The following SPATA13 variants were observed in gnomAD, a reference collection of about 807,000 sequenced individuals.
The protein encoded by SPATA13 is spermatogenesis associated 13, also known as spermatogenesis-associated protein 13.
SPATA13 carries 50 observed loss-of-function variants against 104.0 expected under a neutral mutation model. The observed-to-expected ratio is 0.48, with a 90% CI of 0.38 to 0.61. SPATA13 has a LOEUF of 0.61. Ranked by LOEUF, SPATA13 falls within the 20% of genes least tolerant of loss-of-function variation. SPATA13 has a pLI of 0.00. For missense variants in SPATA13, 1,524 were observed against 1,690.6 expected (o/e 0.90, Z 1.73); for synonymous variants, 606 against 667.5 (o/e 0.91, Z 1.42).
chr13:24,190,341 A>G (rs1401816861), intron 1 of SPATA13, among the ~76,000 whole-genome samples: 1 of 14,352 alleles, frequency 7.0e-5, no homozygotes, highest in African/African-American at 8.2e-5. Flanking sequence ...ATTATATATA[A>G]TATATAATAT....
At chr13:24,104,626 A>T (rs1880379123) in intron 3 of SPATA13, among the ~76,000 whole-genome samples, 1 of 152,210 alleles carries the variant, frequency 6.6e-6, no homozygotes. Context: ...GGGCATGTGG[A>T]ATGCAAATAA....
At chr13:24,001,465 G>A (rs1048760351) in intron 2 of SPATA13, among the ~76,000 whole-genome samples, 6 of 152,046 alleles carry the variant, frequency 3.9e-5, no homozygotes, top group African/African-American at 1.5e-4. Flanking sequence ...TTTGAGGAGA[G>A]TGGAGATTGC....
At chr13:24,244,979 G>T (rs1438082112) in intron 2 of SPATA13, among the ~76,000 whole-genome samples, 1 of 152,226 alleles carries the variant, frequency 6.6e-6, no homozygotes, top group Non-Finnish European at 1.5e-5. Context: ...AGCTGATAGA[G>T]CTCTGGCTGG....
At chr13:24,232,390 A>G (rs1391404969) in intron 2 of SPATA13, among the ~76,000 whole-genome samples, 1 of 152,226 alleles carries the variant, frequency 6.6e-6, no homozygotes, top group African/African-American at 2.4e-5. Context: ...ACTGATTCCA[A>G]TGCCAGTCTT....
At chr13:24,196,114 T>C (rs1220565) in intron 1 of SPATA13, among the ~76,000 whole-genome samples, 78,622 of 151,762 alleles carry the variant, frequency 0.52, 21,227 homozygotes, top group East Asian at 0.67. Context: ...TACTGCAGAG[T>C]TTTCAAAATA....
At chr13:24,047,419 T>C (rs1009647258) in intron 3 of SPATA13, among the ~76,000 whole-genome samples, 1 of 152,198 alleles carries the variant, frequency 6.6e-6, no homozygotes, top group African/African-American at 2.4e-5. Flanking sequence ...GCATTCATTT[T>C]ACAAAGGCAG....
intron 2 of SPATA13, among the ~76,000 whole-genome samples, chr13:24,237,930 C>A (rs1371574545): frequency 6.8e-6 from 1 of 147,688 alleles, no homozygotes; most frequent in East Asian, 1.9e-4. Context: ...TATAAACATA[C>A]ATGTTTAAAT....
intron 4 of SPATA13, among the ~76,000 whole-genome samples, chr13:24,268,364 A>G (rs943165848): frequency 6.6e-6 from 1 of 152,188 alleles, no homozygotes; most frequent in Non-Finnish European, 1.5e-5. Context: ...TTTTGAGCCT[A>G]TAATTTAATA....
intron 3 of SPATA13, among the ~76,000 whole-genome samples, chr13:24,042,580 C>T (rs552162828): frequency 3.3e-5 from 5 of 152,350 alleles, no homozygotes; most frequent in East Asian, 1.9e-4. Context: ...TGCCCGTGCG[C>T]GAACTCACTT....
chr13:24,213,655 C>T (rs1295280117), intron 1 of SPATA13, among the ~76,000 whole-genome samples: 1 of 152,166 alleles, frequency 6.6e-6, no homozygotes, highest in Non-Finnish European at 1.5e-5. Context: ...GTCAAAGATC[C>T]AGTTCATCTT....
chr13:23,997,846 C>G (rs1019855987), intron 2 of SPATA13, among the ~76,000 whole-genome samples: 1 of 152,104 alleles, frequency 6.6e-6, no homozygotes, highest in African/African-American at 2.4e-5. Flanking sequence ...CATGAGGGAT[C>G]CACCCTCATG....
chr13:24,180,488 T>C (rs937606832), intron 1 of SPATA13, among the ~76,000 whole-genome samples: 1 of 152,210 alleles, frequency 6.6e-6, no homozygotes, highest in African/African-American at 2.4e-5. Context: ...CCCTTGAATT[T>C]TCTTATTAAT....
rs181771982 is a variant in SPATA13, at chr13:24,146,593, C to G, written c.-111-76226C>G. Among the ~76,000 whole-genome samples the G allele has an allele frequency of 9.9e-5, 15 of 152,082 alleles. No individual in the cohort carries two copies. In the East Asian group the frequency reaches 2.1e-3, roughly 22 times the overall value. On this transcript the variant is annotated intron_variant, in intron 3 of 14. Coordinates refer to the SPATA13 transcript ENST00000424834. The stretch of plus-strand genomic sequence containing the variant: ...CAGAGGAAAGTAGGCTATAAATAAC[C>G]TCTAAAATGTTCTTTTACAGGGCAC...
At chr13:24,102,849 T>C (rs1880301567) in intron 3 of SPATA13, among the ~76,000 whole-genome samples, 1 of 152,182 alleles carries the variant, frequency 6.6e-6, no homozygotes, top group South Asian at 2.1e-4. Flanking sequence ...GTTTTGGTGT[T>C]ATACCCAAGA....
chr13:24,034,210 A>G (rs9511006), intron 3 of SPATA13: 138,608 of 152,236 alleles, frequency 0.91, 63,257 homozygotes, highest in East Asian at 1. Flanking sequence ...AAGGGAACTC[A>G]AGTAGGAAAG....
chr13:24,080,009 C>T (rs987560312), intron 3 of SPATA13, among the ~76,000 whole-genome samples: 1 of 152,100 alleles, frequency 6.6e-6, no homozygotes, highest in Admixed American at 6.5e-5. Flanking sequence ...TCCAGTGCCT[C>T]AAAATGGAAA....
In SPATA13 at chr13:24,277,459, AAAAG is replaced by A. The variant is rs199897796; in HGVS notation, c.2165-6673_2165-6670del. Reference sequence around the variant, plus strand: ...ACTCCGTCTCAAAAAAAAAAAAAAAAAAAGAAGAAGTTCACCTTGGAAGTAATAT... The same window carrying A: ...ACTCCGTCTCAAAAAAAAAAAAAAAAAAGAAGTTCACCTTGGAAGTAATAT... On this transcript the variant is annotated intron_variant, in intron 4 of 12. Coordinates refer to ENST00000382108, the MANE Select transcript of SPATA13 (RefSeq NM_001166271.3). Among the ~76,000 whole-genome samples the A allele has an allele frequency of 4.2e-3, 585 of 138,886 alleles. 19 individuals are homozygous for A. The highest frequency in any genetic ancestry group is 0.022 in the Admixed American group (281 of 12,894). The allele number at this position is 138,886 out of a possible 152,430, so 91.1% of individuals were successfully genotyped here.
In SPATA13 at chr13:24,123,178, G is replaced by T. The variant is rs552310961; in HGVS notation, c.-111-99641G>T. The T allele has an allele frequency of 2.2e-4, 282 of 1,269,060 alleles. 4 individuals are homozygous for T. The South Asian group carries it at 3.3e-3, about 15-fold the overall frequency. 78.6% of individuals were successfully genotyped at this position (1,269,060 alleles called of 1,614,324 possible). A position where few individuals can be genotyped will look rare whatever the true frequency, so the allele number is the denominator to read the frequency against. On this transcript the variant is annotated intron_variant, in intron 3 of 14. Transcript: ENST00000424834. ...ATATGAAGAAGAGCCTGCATTACAGGTCTGATGAATGGTGTGATATATTCT... is the reference window on the plus strand; with the variant it reads ...ATATGAAGAAGAGCCTGCATTACAGTTCTGATGAATGGTGTGATATATTCT...
chr13:24,022,245 A>G (rs1463867737), intron 3 of SPATA13, among the ~76,000 whole-genome samples: 1 of 148,844 alleles, frequency 6.7e-6, no homozygotes, highest in East Asian at 2.0e-4. Context: ...CATGTTGGCC[A>G]GGCTGGTCTC....
Sources: allele counts gnomAD v4.1 joint callset (sites outside exome capture counted in the v4.1 genomes callset), GRCh38; gene constraint gnomAD v4.1.1; transcripts MANE v1.5; gene names NCBI Gene and HGNC (gene_info 2026-07-23, HGNC 2026-07-21).